Variants in UTRN observed in about 807,000 individuals in gnomAD.
UTRN encodes the protein dystrophin-related protein 1.
In UTRN, 283 loss-of-function variants were observed where a neutral mutation model predicts 463.9. The observed-to-expected ratio is 0.61, with a 90% CI of 0.55 to 0.67. The LOEUF (loss-of-function observed/expected upper bound fraction) is 0.67, where lower values mean the gene tolerates loss of function less well. Among genes scored for constraint, UTRN ranks in the 30% least tolerant of loss-of-function variants. The pLI, the probability that UTRN is intolerant of heterozygous loss-of-function variation, is 0.00. For synonymous variants in UTRN, 1,442 were observed against 1,431.5 expected, an observed-to-expected ratio of 1.01 and a Z score of -0.17; for missense variants, 3,922 against 4,084.3, an observed-to-expected ratio of 0.96 and a Z score of 1.08.
intron 46 of UTRN, among the ~76,000 whole-genome samples, chr6:144,544,677 T>C (rs1208922975): frequency 6.6e-6 from 1 of 151,906 alleles, no homozygotes; most frequent in Non-Finnish European, 1.5e-5. Context: ...ATTTCTCAAC[T>C]AGTGACCTCA....
chr6:144,573,274 C>T (rs182579683), intron 50 of UTRN, among the ~76,000 whole-genome samples: 81 of 152,114 alleles, frequency 5.3e-4, no homozygotes, highest in African/African-American at 1.3e-3. Context: ...ATAGCATGGC[C>T]GGGCACAGTG....
rs570096888 is a variant in UTRN, at chr6:144,577,375, G to A, written c.7479+87G>A. The A allele has an allele frequency of 2.4e-3, 3,275 of 1,367,286 alleles. 7 individuals carry two copies. Among genetic ancestry groups the A allele is most frequent in the Non-Finnish European group, 3.1e-3 (3,090 of 992,418 alleles). The allele number at this position is 1,367,286 out of a possible 1,614,324, so 84.7% of individuals were successfully genotyped here. A position where few individuals can be genotyped will look rare whatever the true frequency, so the allele number is the denominator to read the frequency against. ...CATGCAAATGTGTTACCCTTAAAAG[G>A]TGAAGTTGTCACTTTATTCTCTTAT... On this transcript the variant is annotated intron_variant, in intron 51 of 74. Transcript: ENST00000367545.
chr6:144,772,183 G>A (rs866826773), intron 59 of UTRN, among the ~76,000 whole-genome samples: 2 of 151,236 alleles, frequency 1.3e-5, no homozygotes, highest in South Asian at 2.1e-4. Context: ...ACAGGCGCCC[G>A]CCGCCACTCC....
intron 34 of UTRN, among the ~76,000 whole-genome samples, chr6:144,502,246 T>A (rs1794259740): frequency 1.3e-5 from 2 of 152,046 alleles, no homozygotes; most frequent in Admixed American, 6.6e-5. Context: ...TTTTTTTTTC[T>A]ACTAGCTTTT....
At chr6:144,345,333 C>T (rs969225126) in intron 2 of UTRN, among the ~76,000 whole-genome samples, 2 of 152,116 alleles carry the variant, frequency 1.3e-5, no homozygotes, top group African/African-American at 4.8e-5. Context: ...CTTAAATAAC[C>T]ATGTGATCCC....
chr6:144,580,514 A>G (rs967938045), intron 51 of UTRN, among the ~76,000 whole-genome samples: 1 of 152,184 alleles, frequency 6.6e-6, no homozygotes, highest in Non-Finnish European at 1.5e-5. Context: ...GGAGTATGCT[A>G]TGATACATGC....
At chr6:144,732,247 T>TACACAC (rs1197689032) in intron 54 of UTRN, among the ~76,000 whole-genome samples, 6 of 112,928 alleles carry the variant, frequency 5.3e-5, no homozygotes, top group East Asian at 3.4e-4. Flanking sequence ...TACATATATA[T>TACACAC]ATATATATAT....
chr6:144,732,214 T>TTATA (rs1174420940), intron 54 of UTRN, among the ~76,000 whole-genome samples: 52 of 92,242 alleles, frequency 5.6e-4, no homozygotes, highest in Middle Eastern at 5.3e-3. Context: ...GTACTCTGTT[T>TTATA]TATATATATA....
chr6:144,659,070 A>G (rs186893829), intron 51 of UTRN, among the ~76,000 whole-genome samples: 1 of 152,344 alleles, frequency 6.6e-6, no homozygotes, highest in African/African-American at 2.4e-5. Flanking sequence ...GTTGCCTGCT[A>G]ACACCTTTTT....
At chr6:144,696,588 T>A (rs937681304) in intron 52 of UTRN, among the ~76,000 whole-genome samples, 1 of 152,160 alleles carries the variant, frequency 6.6e-6, no homozygotes, top group Non-Finnish European at 1.5e-5. Context: ...TTAAAGTTAC[T>A]TGTTGTTCTT....
intron 51 of UTRN, among the ~76,000 whole-genome samples, chr6:144,605,672 G>A (rs1804764310): frequency 7.4e-6 from 1 of 135,812 alleles, no homozygotes; most frequent in African/African-American, 2.7e-5. Context: ...TTCAGTGTGG[G>A]TGCCATTTTT....
At chr6:144,629,966 A>G (rs1776338112) in intron 51 of UTRN, among the ~76,000 whole-genome samples, 1 of 152,118 alleles carries the variant, frequency 6.6e-6, no homozygotes, top group Admixed American at 6.6e-5. Flanking sequence ...CAGGCGGATC[A>G]TGAGGTCAGG....
At chr6:144,779,029 T>C (rs1775584212) in intron 60 of UTRN, among the ~76,000 whole-genome samples, 1 of 152,194 alleles carries the variant, frequency 6.6e-6, no homozygotes, top group African/African-American at 2.4e-5. Flanking sequence ...TGATAGTCTG[T>C]GGGATGTGGC....
chr6:144,355,919 A>G (rs1441306395), intron 2 of UTRN, among the ~76,000 whole-genome samples: 1 of 152,248 alleles, frequency 6.6e-6, no homozygotes, highest in African/African-American at 2.4e-5. Flanking sequence ...CAAATTTTGA[A>G]TTAGAAATAT....
intron 51 of UTRN, among the ~76,000 whole-genome samples, chr6:144,619,186 T>G (rs1376187421): frequency 6.6e-6 from 1 of 152,162 alleles, no homozygotes; most frequent in East Asian, 1.9e-4. Context: ...ACAACAAAAT[T>G]CATATCAAAT....
At chr6:144,298,750 C>CT (rs1421484166) in intron 2 of UTRN, among the ~76,000 whole-genome samples, 1 of 152,018 alleles carries the variant, frequency 6.6e-6, no homozygotes, top group African/African-American at 2.4e-5. Flanking sequence ...GGAACAAAAT[C>CT]TTTTTTCAAA....
chr6:144,328,960 T>C (rs922232116), intron 2 of UTRN, among the ~76,000 whole-genome samples: 3 of 151,948 alleles, frequency 2.0e-5, no homozygotes, highest in African/African-American at 4.8e-5. Context: ...ATTTTTTGTA[T>C]TTTTGGTAGA....
intron 25 of UTRN, among the ~76,000 whole-genome samples, chr6:144,476,011 G>A (rs987309248): frequency 1.3e-5 from 2 of 151,760 alleles, no homozygotes; most frequent in East Asian, 2.0e-4. Context: ...AGGGGATGGA[G>A]GTTGCAGTGA....
chr6:144,440,522 C>T (rs962113423), intron 13 of UTRN, 51 bp downstream of exon 13: 3 of 1,609,810 alleles, frequency 1.9e-6, no homozygotes, highest in African/African-American at 1.3e-5. Context: ...GGTCTGAGAC[C>T]CAATTACATA....
Sources: gnomAD v4.1 joint callset for allele counts (sites outside exome capture counted in the v4.1 genomes callset) on GRCh38, gnomAD v4.1.1 for gene constraint, MANE v1.5 for transcripts, NCBI Gene and HGNC (gene_info 2026-07-23, HGNC 2026-07-21) for gene names.